The following NTM variants were observed in gnomAD, a reference collection of about 807,000 sequenced individuals.
The protein encoded by NTM is neurotrimin.
Under a neutral mutation model 42.1 loss-of-function variants are expected in NTM, and 13 were observed. That is an observed-to-expected ratio of 0.31 (90% CI 0.20 to 0.49). The LOEUF (loss-of-function observed/expected upper bound fraction) is 0.49, where lower values mean the gene tolerates loss of function less well. Ranked by LOEUF, NTM falls within the 20% of genes least tolerant of loss-of-function variation. The pLI, the probability that NTM is intolerant of heterozygous loss-of-function variation, is 0.99. For synonymous variants in NTM, 187 were observed against 179.2 expected, an observed-to-expected ratio of 1.04 and a Z score of -0.35; for missense variants, 373 against 452.8, an observed-to-expected ratio of 0.82 and a Z score of 1.60.
At chr11:131,955,033 T>C (rs1252412828) in intron 2 of NTM, among the ~76,000 whole-genome samples, 2 of 152,202 alleles carry the variant, frequency 1.3e-5, no homozygotes, top group Non-Finnish European at 1.5e-5. Context: ...TCATTGTCTT[T>C]ATTCACAAGC....
chr11:131,513,250 A>G (rs2136478566), intron 1 of NTM, among the ~76,000 whole-genome samples: 2 of 152,278 alleles, frequency 1.3e-5, no homozygotes, highest in East Asian at 3.9e-4. Flanking sequence ...AACAATATAA[A>G]CTATCATTGC....
rs553219869 is a variant in NTM at position 131,915,949 on chromosome 11, G to A, written c.167+4301G>A. On this transcript the variant is annotated intron_variant, in intron 2 of 8. Coordinates refer to ENST00000683400, the MANE Select transcript of NTM (RefSeq NM_001352005.2). ...TGAGATTTGGGTGGGGACACAGCCA[G>A]ACCATATCAGGCACTGAGCTGGGTG... is the stretch of plus-strand genomic sequence containing the variant. 4.8e-4 allele frequency among the ~76,000 whole-genome samples: 73 copies of A among 152,324 alleles called. No individual in the cohort carries two copies. In the South Asian group the frequency reaches 5.4e-3, roughly 11 times the overall value.
At chr11:131,798,067 A>G (rs773518221) in intron 1 of NTM, among the ~76,000 whole-genome samples, 11 of 152,220 alleles carry the variant, frequency 7.2e-5, no homozygotes, top group Non-Finnish European at 1.3e-4. Context: ...CGACTGCCCA[A>G]GGTTGGCAGC....
intron 2 of NTM, among the ~76,000 whole-genome samples, chr11:132,094,385 ACAGACCTT>A (rs2060716199): frequency 6.6e-6 from 1 of 152,126 alleles, no homozygotes; most frequent in African/African-American, 2.4e-5. Flanking sequence ...TGTTCCTATG[ACAGACCTT>A]CAGATACCCC....
At chr11:131,511,985 G>A (rs377315681) in intron 1 of NTM, among the ~76,000 whole-genome samples, 11 of 152,208 alleles carry the variant, frequency 7.2e-5, no homozygotes, top group East Asian at 5.8e-4. Flanking sequence ...TGAAGCCAGC[G>A]CCACCTGCTG....
chr11:131,867,556 G>T (rs1338194337), intron 1 of NTM, among the ~76,000 whole-genome samples: 1 of 151,928 alleles, frequency 6.6e-6, no homozygotes, highest in Non-Finnish European at 1.5e-5. Context: ...GCGTGTTTGG[G>T]TGTCTGTGTG....
intron 2 of NTM, among the ~76,000 whole-genome samples, chr11:131,915,818 T>C (rs2056246265): frequency 6.6e-6 from 1 of 152,196 alleles, no homozygotes; most frequent in Non-Finnish European, 1.5e-5. Context: ...GTGAGACTGA[T>C]TCACTACCAC....
intron 1 of NTM, among the ~76,000 whole-genome samples, chr11:131,621,636 C>CAA (rs527788930): frequency 2.6e-4 from 26 of 99,000 alleles, no homozygotes; most frequent in East Asian, 1.0e-3. Context: ...CCTATCTTTA[C>CAA]AAAAAAAAAA....
chr11:131,615,605 A>C (rs987340716), intron 1 of NTM, among the ~76,000 whole-genome samples: 1 of 152,060 alleles, frequency 6.6e-6, no homozygotes, highest in Non-Finnish European at 1.5e-5. Flanking sequence ...CCTGACCTCA[A>C]GTGATCCACC....
At chr11:131,950,842 C>T (rs974793474) in intron 2 of NTM, among the ~76,000 whole-genome samples, 3 of 152,206 alleles carry the variant, frequency 2.0e-5, no homozygotes, top group Non-Finnish European at 4.4e-5. Context: ...TCCTCCACTT[C>T]CTTCTGGTTC....
chr11:131,447,925 C>A (rs80069958), intron 1 of NTM, among the ~76,000 whole-genome samples: 11 of 152,318 alleles, frequency 7.2e-5, no homozygotes, highest in Non-Finnish European at 1.6e-4. Flanking sequence ...ACTTCCTCGC[C>A]TTGTACTTCT....
rs568773022 is a variant in NTM at position 132,319,235 on chromosome 11, C to T, written c.934+4532C>T. Among the ~76,000 whole-genome samples, 24 of 152,208 alleles carry T rather than the reference C, an allele frequency of 1.6e-4. No homozygotes were observed. In the South Asian group the frequency reaches 1.7e-3, roughly 11 times the overall value. On this transcript the variant is annotated intron_variant, in intron 7 of 8. Transcript: ENST00000683400. ...ATTTCTGCATTTCCAACTGAGGTAC[C>T]GGGTTCATCTCACTGGGGAGTGCCA...
At chr11:131,495,217 CA>C (rs1326676235) in intron 1 of NTM, among the ~76,000 whole-genome samples, 1 of 152,172 alleles carries the variant, frequency 6.6e-6, no homozygotes, top group Non-Finnish European at 1.5e-5. Flanking sequence ...AGCATGGTCC[CA>C]GGGGACAGCC....
intron 2 of NTM, among the ~76,000 whole-genome samples, chr11:131,950,765 C>T (rs775953629): frequency 7.9e-5 from 12 of 152,140 alleles, no homozygotes; most frequent in Non-Finnish European, 1.5e-4. Context: ...CTTCAAAGCC[C>T]AACTCAAAAA....
At chr11:132,001,574 G>A (rs2069240036) in intron 2 of NTM, among the ~76,000 whole-genome samples, 1 of 152,022 alleles carries the variant, frequency 6.6e-6, no homozygotes, top group Admixed American at 6.6e-5. Flanking sequence ...GGTGAGAGAG[G>A]AAGCAGGAGA....
intron 3 of NTM, among the ~76,000 whole-genome samples, chr11:132,201,202 C>G (rs556428583): frequency 5.3e-5 from 8 of 152,320 alleles, no homozygotes; most frequent in Non-Finnish European, 8.8e-5. Context: ...CAGTGGCACC[C>G]TCTACCCATG....
Position 132,226,910 on chromosome 11 carries a change from T to G in NTM, c.526+14763T>G, listed in dbSNP as rs536560965. Among the ~76,000 whole-genome samples the G allele has an allele frequency of 7.6e-4, 116 of 152,364 alleles. 4 individuals carry two copies. In the South Asian group the frequency reaches 0.013, roughly 17 times the overall value. On this transcript the variant is annotated intron_variant, in intron 4 of 8. Coordinates refer to ENST00000683400, the MANE Select transcript of NTM (RefSeq NM_001352005.2). ...GCTGGTGTATACCATGCTGGTAATA[T>G]ACTATTCTTGTCCATCAAAAACTCC...
chr11:131,867,770 C>A (rs919981495), intron 1 of NTM, among the ~76,000 whole-genome samples: 1 of 152,046 alleles, frequency 6.6e-6, no homozygotes, highest in Non-Finnish European at 1.5e-5. Context: ...GTGTATGATG[C>A]GGGCATGAGA....
chr11:132,319,596 G>A (rs1029407165), intron 7 of NTM, among the ~76,000 whole-genome samples: 4 of 152,244 alleles, frequency 2.6e-5, no homozygotes, highest in African/African-American at 9.6e-5. Flanking sequence ...TGCCTAGTTA[G>A]TTGTTTGATT....
Sources: gnomAD v4.1 joint callset for allele counts (sites outside exome capture counted in the v4.1 genomes callset) on GRCh38, gnomAD v4.1.1 for gene constraint, MANE v1.5 for transcripts, NCBI Gene and HGNC (gene_info 2026-07-23, HGNC 2026-07-21) for gene names.